The following GLIS3 variants were observed in gnomAD, a reference collection of about 807,000 sequenced individuals.
GLIS3 encodes the protein zinc finger protein GLIS3.
Under a neutral mutation model 78.6 loss-of-function variants are expected in GLIS3, and 53 were observed. The ratio of observed to expected loss-of-function variants is 0.67; its 90% CI spans 0.54 to 0.85. GLIS3 has a LOEUF of 0.85. Ranked by LOEUF, GLIS3 falls within the 40% of genes least tolerant of loss-of-function variation. The pLI, the probability that GLIS3 is intolerant of heterozygous loss-of-function variation, is 0.00. For synonymous variants in GLIS3, 684 were observed against 509.9 expected (o/e 1.34, Z -4.60); for missense variants, 1,703 against 1,231.1 (o/e 1.38, Z -5.74).
At chr9:4,031,406 T>A (rs542628654) in intron 4 of GLIS3, among the ~76,000 whole-genome samples, 19 of 152,334 alleles carry the variant, frequency 1.2e-4, no homozygotes, top group Admixed American at 1.1e-3. Flanking sequence ...TAATATATGA[T>A]TCCATTTATG....
the GLIS3 span, among the ~76,000 whole-genome samples, chr9:4,377,140 G>C: frequency 2.2e-5 from 3 of 135,190 alleles, 1 homozygote; most frequent in African/African-American, 7.8e-5. Context: ...CATTGTTTCT[G>C]GGTGTGTCTG....
At chr9:4,201,407 G>C (rs551065704) in intron 2 of GLIS3, among the ~76,000 whole-genome samples, 1 of 152,268 alleles carries the variant, frequency 6.6e-6, no homozygotes, top group Non-Finnish European at 1.5e-5. Context: ...CGTCTTTGTG[G>C]AAAATCTGAT....
chr9:3,954,090 C>T (rs1034062575), intron 4 of GLIS3, among the ~76,000 whole-genome samples: 2 of 152,092 alleles, frequency 1.3e-5, no homozygotes, highest in African/African-American at 4.8e-5. Flanking sequence ...TTCTCCCTAC[C>T]TTAATTATGC....
chr9:4,311,181 G>A (rs1432060474), intron 2 of GLIS3, among the ~76,000 whole-genome samples: 1 of 152,178 alleles, frequency 6.6e-6, no homozygotes, highest in East Asian at 1.9e-4. Flanking sequence ...GGCTGAGGCA[G>A]GCGGATCACT....
At chr9:3,955,094 G>A (rs754243310) in intron 4 of GLIS3, among the ~76,000 whole-genome samples, 89 of 152,182 alleles carry the variant, frequency 5.8e-4, no homozygotes, top group Non-Finnish European at 1.2e-3. Context: ...AGCATAGGCT[G>A]GAGTTAGTGG....
intron 2 of GLIS3, among the ~76,000 whole-genome samples, chr9:4,169,899 A>T (rs1816222774): frequency 6.6e-6 from 1 of 152,230 alleles, no homozygotes; most frequent in Non-Finnish European, 1.5e-5. Flanking sequence ...GGATAGGAAT[A>T]TAATTAGCAA....
At chr9:3,900,844 G>A (rs896119451) in intron 6 of GLIS3, 2 of 151,726 alleles carry the variant, frequency 1.3e-5, no homozygotes, top group African/African-American at 4.8e-5. Flanking sequence ...TCCTCTGAAC[G>A]GGCCACACCA....
At chr9:4,238,086 C>T (rs1021399709) in intron 2 of GLIS3, among the ~76,000 whole-genome samples, 1 of 152,176 alleles carries the variant, frequency 6.6e-6, no homozygotes, top group Non-Finnish European at 1.5e-5. Context: ...TACCAGTGAG[C>T]ACAAAGTCAG....
chr9:4,174,669 C>G (rs1816666348), intron 2 of GLIS3, among the ~76,000 whole-genome samples: 1 of 152,194 alleles, frequency 6.6e-6, no homozygotes, highest in East Asian at 1.9e-4. Flanking sequence ...AATTAACCTC[C>G]TTTTTAATTA....
At chr9:3,922,153 T>C (rs1824933605) in intron 6 of GLIS3, among the ~76,000 whole-genome samples, 1 of 152,204 alleles carries the variant, frequency 6.6e-6, no homozygotes, top group African/African-American at 2.4e-5. Context: ...ATCTTTAAAA[T>C]CATCTAATTG....
chr9:4,371,068 T>G, the GLIS3 span, among the ~76,000 whole-genome samples: 3 of 152,204 alleles, frequency 2.0e-5, no homozygotes, highest in Non-Finnish European at 4.4e-5. Context: ...TTTATTCACT[T>G]GTATTGTCTA....
intron 4 of GLIS3, among the ~76,000 whole-genome samples, chr9:3,963,353 G>A (rs552700491): frequency 2.0e-4 from 30 of 152,292 alleles, no homozygotes; most frequent in African/African-American, 7.2e-4. Flanking sequence ...GGCAGTGAGA[G>A]TATGCTGGAA....
chr9:4,366,426 C>A, the GLIS3 span, among the ~76,000 whole-genome samples: 26 of 152,164 alleles, frequency 1.7e-4, no homozygotes, highest in Admixed American at 3.3e-4. Context: ...GGAAAGGAGG[C>A]CCACACCATG....
chr9:4,002,215 CA>C (rs1318553780), intron 4 of GLIS3, among the ~76,000 whole-genome samples: 1 of 152,124 alleles, frequency 6.6e-6, no homozygotes, highest in Non-Finnish European at 1.5e-5. Flanking sequence ...TAAGAGGTCA[CA>C]AGCCAAGGAA....
the GLIS3 span, among the ~76,000 whole-genome samples, chr9:4,367,817 G>A: frequency 6.6e-6 from 1 of 152,006 alleles, no homozygotes; most frequent in African/African-American, 2.4e-5. Context: ...GCCAAATATG[G>A]GCCAGGTTTT....
Position 4,118,019 on chromosome 9 carries a change from G to C in GLIS3, c.1459C>G (p.Leu487Val), listed in dbSNP as rs1270449774. ...CCGTCCATCTCCCCGTCGTCGTCCA[G>C]GGTGGCCTGGGGCAAGGCCAGCTGC... ...AQQLALPQAT[L>V]DDDGEMDGIG... Residue 487 changes from leucine (L) to valine (V), a missense_variant, in exon 4 of 11, where the codon CTG (leucine) becomes GTG (valine). By Grantham distance (32) the Leu-to-Val change is conservative. Coordinates refer to ENST00000381971, the MANE Select transcript of GLIS3 (RefSeq NM_001042413.2). This position sits in a 1 kb window ranked among gnomAD's most constrained non-coding sequence, Gnocchi z 4.7. The C allele has an allele frequency of 1.9e-6, 3 of 1,603,974 alleles. No homozygotes were observed. Among genetic ancestry groups the C allele is most frequent in the Admixed American group, 1.7e-5 (1 of 59,840 alleles).
At chr9:3,846,711 C>T (rs1476071774) in intron 9 of GLIS3, among the ~76,000 whole-genome samples, 1 of 152,124 alleles carries the variant, frequency 6.6e-6, no homozygotes, top group Non-Finnish European at 1.5e-5. Flanking sequence ...CTGCCATGGC[C>T]CAGAACTTTA....
intron 4 of GLIS3, among the ~76,000 whole-genome samples, chr9:3,965,859 G>A (rs1044808268): frequency 2.0e-5 from 3 of 152,160 alleles, no homozygotes; most frequent in Admixed American, 6.5e-5. Flanking sequence ...GAAAACAAAA[G>A]GTAACAGATA....
At chr9:4,196,082 T>C (rs1341307607) in intron 2 of GLIS3, among the ~76,000 whole-genome samples, 1 of 152,064 alleles carries the variant, frequency 6.6e-6, no homozygotes, top group East Asian at 1.9e-4. Context: ...CAATCAGCAC[T>C]CTGTCTAGCT....
Sources: gnomAD v4.1 joint callset for allele counts (sites outside exome capture counted in the v4.1 genomes callset) on GRCh38, gnomAD v4.1.1 for gene constraint, Gnocchi (gnomAD v3.1) non-coding constraint, MANE v1.5 for transcripts, NCBI Gene and HGNC (gene_info 2026-07-23, HGNC 2026-07-21) for gene names.